Variants in FNDC7 observed in about 807,000 individuals in gnomAD.
The protein encoded by FNDC7 is fibronectin type III domain-containing protein 7.
A neutral mutation model predicts 74.2 loss-of-function variants in FNDC7; 66 were observed. The observed-to-expected ratio is 0.89, with a 90% confidence interval of 0.73 to 1.09. The LOEUF is 1.09. Among genes scored for constraint, FNDC7 ranks in the 50% least tolerant of loss-of-function variants. The pLI, the probability that FNDC7 is intolerant of heterozygous loss-of-function variation, is 0.00. For synonymous variants in FNDC7, 307 were observed against 330.2 expected (o/e 0.93, Z 0.76); for missense variants, 829 against 893.4 (o/e 0.93, Z 0.92).
intron 2 of FNDC7, 85 bp from the exon 3 acceptor site, chr1:108,717,692 A>G: frequency 7.2e-7 from 1 of 1,388,532 alleles, no homozygotes; most frequent in Non-Finnish European, 9.9e-7. Flanking sequence ...AGGCATGAGA[A>G]TGATTTAGCT....
chr1:108,722,235 A>G (rs2101079871), intron 4 of FNDC7, 100 bp from the exon 5 acceptor site: 9 of 1,199,624 alleles, frequency 7.5e-6, no homozygotes, highest in South Asian at 3.4e-5. Context: ...TTATCCAACT[A>G]TTGGGTACCT....
intron 4 of FNDC7, among the ~76,000 whole-genome samples, chr1:108,719,438 CTGAG>C (rs1431441202): frequency 1.3e-5 from 2 of 152,324 alleles, no homozygotes; most frequent in African/African-American, 2.4e-5. Flanking sequence ...TCAGCAGATA[CTGAG>C]TGAGTGTGTG....
chr1:108,723,091 T>C (rs1464104182), intron 5 of FNDC7, among the ~76,000 whole-genome samples: 1 of 152,238 alleles, frequency 6.6e-6, no homozygotes, highest in African/African-American at 2.4e-5. Context: ...TTGACTCCTC[T>C]ATTTAGAAAT....
At chr1:108,728,191 C>T in intron 7 of FNDC7, 126 bp downstream of exon 7, 2 of 1,177,736 alleles carry the variant, frequency 1.7e-6, no homozygotes, top group South Asian at 1.5e-5. Flanking sequence ...TTGTGGAGAC[C>T]AAGAGAGCCC....
chr1:108,714,271 T>C (rs2101074941), intron 2 of FNDC7, among the ~76,000 whole-genome samples: 1 of 152,366 alleles, frequency 6.6e-6, no homozygotes, highest in East Asian at 1.9e-4. Flanking sequence ...TTATTTTGTC[T>C]ACACCACAGA....
chr1:108,728,792 G>T lies in FNDC7; in HGVS notation c.1530G>T (p.Arg510=). 1 of 1,614,250 alleles carries T rather than the reference G, an allele frequency of 6.2e-7. No homozygotes were observed. The highest frequency in any genetic ancestry group is 8.5e-7 in the Non-Finnish European group (1 of 1,180,048). Reference sequence around the variant, plus strand: ...GCACAGGAGAGTCCTGCACCATGCGGGGCTTGCCCTGTGGCTCAGTGTTCT... The same window carrying T: ...GCACAGGAGAGTCCTGCACCATGCGTGGCTTGCCCTGTGGCTCAGTGTTCT... ...CSSTGESCTM[R]GLPCGSVFSV... Residue 510 remains arginine, a synonymous_variant, in exon 8 of 13, where the codon CGG becomes CGT. Coordinates refer to ENST00000370017, the MANE Select transcript of FNDC7 (RefSeq NM_001144937.3).
intron 7 of FNDC7, 107 bp from the exon 8 acceptor site, chr1:108,728,525 T>G: frequency 7.3e-7 from 1 of 1,367,862 alleles, no homozygotes; most frequent in Non-Finnish European, 1.0e-6. Context: ...CATGACGTGG[T>G]TGAAAACTGT....
chr1:108,738,590 G>A (rs1257259972), intron 11 of FNDC7, among the ~76,000 whole-genome samples: 1 of 138,910 alleles, frequency 7.2e-6, no homozygotes, highest in Non-Finnish European at 1.5e-5. Context: ...AATGGTGTGA[G>A]TGTAAATGAA....
chr1:108,738,072 G>A (rs1404444840), intron 11 of FNDC7, among the ~76,000 whole-genome samples: 1 of 152,208 alleles, frequency 6.6e-6, no homozygotes, highest in African/African-American at 2.4e-5. Context: ...GATTTGGTCG[G>A]TGTAGGAAGT....
Position 108,728,365 on chromosome 1 carries a change from G to A in FNDC7, c.1370-267G>A, listed in dbSNP as rs540050981. Among the ~76,000 whole-genome samples, 16 of 152,250 alleles carry A rather than the reference G, an allele frequency of 1.1e-4. No individual in the cohort carries two copies. The South Asian group carries it at 3.3e-3, about 32-fold the overall frequency. On this transcript the variant is annotated intron_variant, in intron 7 of 12. Transcript: ENST00000370017. ...GCCTGCCTGTACTCACACCATGAAG[G>A]TGTATAAATATGTTTCTTACTTACT...
intron 10 of FNDC7, among the ~76,000 whole-genome samples, chr1:108,736,963 CTTTTTTTTT>C (rs1173562405): frequency 1.1e-4 from 11 of 99,408 alleles, no homozygotes; most frequent in Non-Finnish European, 2.1e-4. Flanking sequence ...GCTTGGCATT[CTTTTTTTTT>C]TTTTTTTTTT....
At chr1:108,724,994 TCAC>T (rs1661176630) in intron 5 of FNDC7, among the ~76,000 whole-genome samples, 3 of 151,648 alleles carry the variant, frequency 2.0e-5, no homozygotes, top group Non-Finnish European at 4.4e-5. Flanking sequence ...GGCAAGGGAA[TCAC>T]TTCAGCCCAG....
chr1:108,721,060 C>T (rs961051447), intron 4 of FNDC7, among the ~76,000 whole-genome samples: 2 of 152,236 alleles, frequency 1.3e-5, no homozygotes, highest in African/African-American at 4.8e-5. Context: ...TAAAGCAGAA[C>T]TGCCTCTGCA....
chr1:108,722,628 C>T, intron 5 of FNDC7, 36 bp downstream of exon 5: 1 of 1,585,130 alleles, frequency 6.3e-7, no homozygotes. Flanking sequence ...GTCGGGCTTG[C>T]AGCCCTGACT....
Position 108,724,762 on chromosome 1 carries a change from AAAAATTAATTAATTAATTAATT to A in FNDC7, c.857-983_857-962del, listed in dbSNP as rs1402403271. ...GAGCGAGACCTTGTCTCCAAAAAAA[AAAAATTAATTAATTAATTAATT>A]AAAAAATAAATTTAGGCTGGGCGCA... is the stretch of plus-strand genomic sequence containing the variant. On this transcript the variant is annotated intron_variant, in intron 5 of 12. Coordinates refer to ENST00000370017, the MANE Select transcript of FNDC7 (RefSeq NM_001144937.3). 9.2e-4 allele frequency among the ~76,000 whole-genome samples: 138 copies of A among 150,788 alleles called. 1 individual carries two copies. The highest frequency in any genetic ancestry group is 3.3e-3 in the African/African-American group (136 of 40,662).
chr1:108,719,833 G>A (rs1436978154), intron 4 of FNDC7, among the ~76,000 whole-genome samples: 1 of 152,068 alleles, frequency 6.6e-6, no homozygotes. Flanking sequence ...CACTGGCAAT[G>A]TAACCTACAT....
chr1:108,713,623 T>A, intron 2 of FNDC7, 94 bp downstream of exon 2: 2 of 1,145,964 alleles, frequency 1.7e-6, no homozygotes, highest in East Asian at 2.6e-5. Flanking sequence ...AAAGGCTATA[T>A]GAGAAAAAAA....
chr1:108,720,331 A>C (rs1425891420), intron 4 of FNDC7, among the ~76,000 whole-genome samples: 2 of 152,192 alleles, frequency 1.3e-5, no homozygotes, highest in Non-Finnish European at 2.9e-5. Flanking sequence ...AGGAGAGACC[A>C]ATGGTGAGTC....
At chr1:108,722,011 T>TTCAAAATATGCATTCATTCAAAA (rs1661102675) in intron 4 of FNDC7, among the ~76,000 whole-genome samples, 1 of 152,250 alleles carries the variant, frequency 6.6e-6, no homozygotes, top group Admixed American at 6.5e-5. Flanking sequence ...AAATAATGCA[T>TTCAAAATATGCATTCATTCAAAA]TAATTCATTC....
Sources: gnomAD v4.1 joint callset for allele counts (sites outside exome capture counted in the v4.1 genomes callset) on GRCh38, gnomAD v4.1.1 for gene constraint, MANE v1.5 for transcripts, NCBI Gene and HGNC (gene_info 2026-07-23, HGNC 2026-07-21) for gene names.